Variants in ZNF445 observed in about 807,000 individuals in gnomAD.
ZNF445 encodes zinc finger protein 168.
A neutral mutation model predicts 93.9 loss-of-function variants in ZNF445; 19 were observed. The observed-to-expected ratio is 0.20, with a 90% CI of 0.14 to 0.30. ZNF445 has a LOEUF of 0.30. ZNF445 is among the 10% of genes least tolerant of loss of function. The pLI is 1.00. For synonymous variants in ZNF445, 449 were observed against 446.3 expected (o/e 1.01, Z -0.08); for missense variants, 1,058 against 1,259.4 (o/e 0.84, Z 2.42).
In ZNF445 at chr3:44,442,368, T is replaced by C. The variant is rs918445556; in HGVS notation, c.*4207A>G. The C allele has an allele frequency of 4.6e-5, 7 of 152,186 alleles. No homozygotes were observed. Among genetic ancestry groups the C allele is most frequent in the African/African-American group, 1.7e-4 (7 of 41,440 alleles). The allele number at this position is 152,186 out of a possible 1,614,324, so 9.4% of individuals were successfully genotyped here. The stretch of plus-strand genomic sequence containing the variant: ...GCATCCAGGAGTAGTTGCTGGGTGG[T>C]TAAGTGCACACAACCTTCCAAGATT... On this transcript the variant is annotated 3_prime_UTR_variant, in exon 8 of 8. Coordinates refer to ENST00000396077, the MANE Select transcript of ZNF445 (RefSeq NM_181489.6).
intron 1 of ZNF445, among the ~76,000 whole-genome samples, chr3:44,464,148 A>C (rs781496866): frequency 1.3e-4 from 19 of 151,174 alleles, no homozygotes; most frequent in South Asian, 4.2e-4. Flanking sequence ...AACAAACAAA[A>C]AAAACAGCAG....
intron 1 of ZNF445, among the ~76,000 whole-genome samples, chr3:44,466,417 T>C (rs1444603333): frequency 6.6e-6 from 1 of 152,242 alleles, no homozygotes; most frequent in African/African-American, 2.4e-5. Context: ...TTGTCAAATA[T>C]GAAATGGTGT....
chr3:44,454,776 T>C (rs1698004341), intron 3 of ZNF445: 1 of 332,058 alleles, frequency 3.0e-6, no homozygotes, highest in Non-Finnish European at 5.7e-6. Context: ...TCCTATGTTG[T>C]CCAGGCTGGC....
intron 3 of ZNF445, 157 bp downstream of exon 3, chr3:44,454,964 G>C (rs182992729): frequency 1.2e-6 from 1 of 852,040 alleles, no homozygotes; most frequent in Non-Finnish European, 1.8e-6. Flanking sequence ...CCGTGGCTCA[G>C]GGTCCCGTTC....
At position 44,450,495 on chromosome 3, in the gene ZNF445, G is replaced by A; in HGVS notation, c.772C>T (p.Leu258=). 1 of 1,614,154 alleles carries A rather than the reference G, an allele frequency of 6.2e-7. No individual in the cohort carries two copies. The highest frequency in any genetic ancestry group is 8.5e-7 in the Non-Finnish European group (1 of 1,180,028). The change falls in exon 6 of 8, where the codon CTG becomes TTG. Residue 258 remains leucine, a synonymous_variant. Transcript: ENST00000396077. The stretch of plus-strand genomic sequence containing the variant: ...TTCTCCAGCATCACATCCCTGTACA[G>A]GTTCCTCTGAGCAGAGTCCAGCCAC... The part of the protein sequence containing the change: ...WGWLDSAQRN[L]YRDVMLENYR...
At chr3:44,450,744 C>T (rs1313235924) in intron 5 of ZNF445, 124 bp downstream of exon 5, 1 of 1,274,748 alleles carries the variant, frequency 7.8e-7, no homozygotes, top group African/African-American at 1.5e-5. Flanking sequence ...ATAATCTGGT[C>T]TCTGGAACAC....
chr3:44,447,156 G>A lies in ZNF445; in HGVS notation c.2515C>T (p.Arg839Cys), dbSNP rs141377645. 9 of 1,614,160 alleles carry A rather than the reference G, an allele frequency of 5.6e-6. No individual in the cohort carries two copies. The East Asian group carries it at 1.3e-4, about 24-fold the overall frequency. The change falls in exon 8 of 8, where the codon CGT becomes TGT. Residue 839 changes from arginine to cysteine, a missense_variant. Coordinates refer to ENST00000396077, the MANE Select transcript of ZNF445 (RefSeq NM_181489.6). This position sits in a 1 kb window ranked among gnomAD's most constrained non-coding sequence, Gnocchi z 4.7. ...VEPKILTGEK[R>C]FWCQECGKTF... ...TTCCCACATTCTTGACACCAAAAAC[G>A]TTTCTCACCAGTGAGGATTTTTGGC...
At chr3:44,463,507 C>G (rs553416807) in intron 1 of ZNF445, among the ~76,000 whole-genome samples, 156 of 152,332 alleles carry the variant, frequency 1.0e-3, no homozygotes, top group African/African-American at 3.5e-3. Context: ...TGATAGATCC[C>G]TTTCAAAATC....
intron 1 of ZNF445, among the ~76,000 whole-genome samples, chr3:44,466,032 A>G (rs537905551): frequency 1.3e-5 from 2 of 152,362 alleles, no homozygotes; most frequent in Non-Finnish European, 2.9e-5. Flanking sequence ...ATTAATGTTA[A>G]AAGATAATAA....
rs1697871122 is a variant in ZNF445, at chr3:44,445,812, A to G, written c.*763T>C. 1 of 152,448 alleles carries G rather than the reference A, an allele frequency of 6.6e-6. No individual in the cohort carries two copies. The highest frequency in any genetic ancestry group is 1.5e-5 in the Non-Finnish European group (1 of 68,198). The allele number at this position is 152,448 out of a possible 1,614,324, so 9.4% of individuals were successfully genotyped here. ...TTTGTTTGTCATCTGTAAAGATCCA[A>G]GATGGCAGGATTTTCATCTGTTCTG... On this transcript the variant is annotated 3_prime_UTR_variant, in exon 8 of 8. Coordinates refer to ENST00000396077, the MANE Select transcript of ZNF445 (RefSeq NM_181489.6).
At chr3:44,458,426 G>A (rs1236129385) in intron 1 of ZNF445, 62 bp from the exon 2 acceptor site, 6 of 151,816 alleles carry the variant, frequency 4.0e-5, no homozygotes, top group African/African-American at 1.2e-4. Flanking sequence ...TAGTTCTTAC[G>A]CCTGATACCT....
At chr3:44,451,184 G>A in intron 4 of ZNF445, 130 bp downstream of exon 4, 1 of 1,224,582 alleles carries the variant, frequency 8.2e-7, no homozygotes, top group Non-Finnish European at 1.2e-6. Flanking sequence ...AGAATGGATG[G>A]AGAGGACAGA....
intron 1 of ZNF445, among the ~76,000 whole-genome samples, chr3:44,470,210 A>C (rs1045850652): frequency 7.9e-5 from 12 of 152,244 alleles, no homozygotes; most frequent in Non-Finnish European, 1.8e-4. Context: ...GGCATGAGCC[A>C]CAATGCCTGG....
In ZNF445 at chr3:44,463,011, TTGTGTGTGTGTGTGTGTG is replaced by T. The variant is rs61329186; in HGVS notation, c.-268-4665_-268-4648del. Among the ~76,000 whole-genome samples, 811 of 144,550 alleles carry T rather than the reference TTGTGTGTGTGTGTGTGTG, an allele frequency of 5.6e-3. 1 individual carries two copies. Among genetic ancestry groups the T allele is most frequent in the African/African-American group, 7.8e-3 (300 of 38,588 alleles). The allele number at this position is 144,550 out of a possible 152,430, so 94.8% of individuals were successfully genotyped here. On this transcript the variant is annotated intron_variant, in intron 1 of 7. Coordinates refer to ENST00000396077, the MANE Select transcript of ZNF445 (RefSeq NM_181489.6). ...TCAGTCAACTGAATTATTTTTTTCT[TTGTGTGTGTGTGTGTGTG>T]TGTGTGTGTGTGTGTGTGTGTGTAT...
At chr3:44,452,092 G>C (rs912593213) in intron 3 of ZNF445, among the ~76,000 whole-genome samples, 1 of 152,198 alleles carries the variant, frequency 6.6e-6, no homozygotes, top group African/African-American at 2.4e-5. Context: ...GTCCATCTAA[G>C]TAGAGACCAA....
chr3:44,447,220 C>T lies in ZNF445; in HGVS notation c.2451G>A (p.Gln817=), dbSNP rs930311931. Residue 817 remains glutamine (Q), a synonymous_variant, in exon 8 of 8, where the codon CAG becomes CAA. Coordinates refer to ENST00000396077, the MANE Select transcript of ZNF445 (RefSeq NM_181489.6). This position sits in a 1 kb window ranked among gnomAD's most constrained non-coding sequence, Gnocchi z 4.7. ...TCTTTTCACTTTCATGGCAATCATA[C>T]TGTTTTTGAAGAGAGTGAATCCTCT... ...RHQRIHSLQK[Q]YDCHESEKTP... The T allele has an allele frequency of 1.9e-6, 3 of 1,614,168 alleles. No homozygotes were observed. Among genetic ancestry groups the T allele is most frequent in the Non-Finnish European group, 1.7e-6 (2 of 1,180,042 alleles).
Position 44,449,590 on chromosome 3 carries a change from CAGG to C in ZNF445, c.851_853del (p.Ser284del), listed in dbSNP as rs768676096. ...GCCCCATGGCTCCCTTGCTTCCAACCAGGAGATCAGAGCAGGTTTGGTGAATGG... is the reference window on the plus strand; with the variant it reads ...GCCCCATGGCTCCCTTGCTTCCAACCAGATCAGAGCAGGTTTGGTGAATGG... On this transcript the variant is annotated inframe_deletion, in exon 7 of 8. Coordinates refer to ENST00000396077, the MANE Select transcript of ZNF445 (RefSeq NM_181489.6). 3 of 1,614,102 alleles carry C rather than the reference CAGG, an allele frequency of 1.9e-6. No homozygotes were observed. Among genetic ancestry groups the C allele is most frequent in the Non-Finnish European group, 2.5e-6 (3 of 1,180,008 alleles).
chr3:44,462,534 C>G lies in ZNF445; in HGVS notation c.-268-4170G>C, dbSNP rs566461569. 2.0e-5 allele frequency among the ~76,000 whole-genome samples: 3 copies of G among 152,300 alleles called. No homozygotes were observed. The South Asian group carries it at 6.2e-4, about 32-fold the overall frequency. On this transcript the variant is annotated intron_variant, in intron 1 of 7. Coordinates refer to ENST00000396077, the MANE Select transcript of ZNF445 (RefSeq NM_181489.6). ...GCAGCCTGGATTCTATTCTTGGCTT[C>G]CAGAATGATTCCTGTCTGGTTTTTT...
chr3:44,449,936 C>T (rs530792369), intron 6 of ZNF445, among the ~76,000 whole-genome samples: 28 of 152,138 alleles, frequency 1.8e-4, no homozygotes, highest in African/African-American at 6.7e-4. Flanking sequence ...ACCTTTAATC[C>T]GTTGTTTTTA....
Sources: gnomAD v4.1 joint callset for allele counts (sites outside exome capture counted in the v4.1 genomes callset) on GRCh38, gnomAD v4.1.1 for gene constraint, Gnocchi (gnomAD v3.1) non-coding constraint, MANE v1.5 for transcripts, NCBI Gene and HGNC (gene_info 2026-07-23, HGNC 2026-07-21) for gene names.